PLCB1: variants seen among roughly 807,000 people sequenced by gnomAD.
PLCB1 encodes phospholipase C beta 1.
PLCB1 carries 46 observed loss-of-function variants against 161.8 expected under a neutral mutation model. The ratio of observed to expected loss-of-function variants is 0.28; its 90% confidence interval spans 0.22 to 0.36. The LOEUF (loss-of-function observed/expected upper bound fraction) is 0.36. Among genes scored for constraint, PLCB1 ranks in the 10% least tolerant of loss-of-function variants. PLCB1 has a pLI of 1.00. For synonymous variants in PLCB1, 517 were observed against 503.7 expected, an observed-to-expected ratio of 1.03 and a Z score of -0.35; for missense variants, 1,016 against 1,472.5, an observed-to-expected ratio of 0.69 and a Z score of 5.07.
intron 2 of PLCB1, among the ~76,000 whole-genome samples, chr20:8,367,700 G>A (rs1366183146): frequency 6.6e-6 from 1 of 152,132 alleles, no homozygotes; most frequent in Non-Finnish European, 1.5e-5. Context: ...CTTAAACTGA[G>A]GAAGGGCAGA....
At chr20:8,553,837 C>G (rs8118318) in intron 3 of PLCB1, among the ~76,000 whole-genome samples, 13,031 of 151,792 alleles carry the variant, frequency 0.086, 996 homozygotes, top group African/African-American at 0.2. Context: ...CCTGTCTCTA[C>G]TAAAAATCAA....
At chr20:8,182,605 G>C (rs986195432) in intron 2 of PLCB1, among the ~76,000 whole-genome samples, 4 of 142,148 alleles carry the variant, frequency 2.8e-5, no homozygotes, top group African/African-American at 7.8e-5. Context: ...TTTTGAGACT[G>C]AGTCTTACTC....
chr20:8,145,591 T>A (rs979075639), intron 1 of PLCB1, among the ~76,000 whole-genome samples: 10 of 152,240 alleles, frequency 6.6e-5, no homozygotes, highest in African/African-American at 2.4e-4. Flanking sequence ...AAATGGTAGC[T>A]GCATATGTGG....
chr20:8,541,913 A>G (rs748908704), intron 3 of PLCB1, among the ~76,000 whole-genome samples: 45 of 152,316 alleles, frequency 3.0e-4, no homozygotes, highest in South Asian at 1.0e-3. Flanking sequence ...ATAAAGAGGA[A>G]CAAGGTGGTT....
chr20:8,788,237 A>G (rs1406718568), intron 27 of PLCB1, among the ~76,000 whole-genome samples: 4 of 152,352 alleles, frequency 2.6e-5, no homozygotes, highest in Admixed American at 6.5e-5. Context: ...AAAAGAGATA[A>G]TAAGAAGAAT....
intron 2 of PLCB1, among the ~76,000 whole-genome samples, chr20:8,357,399 A>G (rs1986394774): frequency 6.6e-6 from 1 of 152,216 alleles, no homozygotes; most frequent in Admixed American, 6.5e-5. Flanking sequence ...CTCACAGACC[A>G]GGGAGGTAAT....
intron 2 of PLCB1, among the ~76,000 whole-genome samples, chr20:8,198,897 G>C (rs1407222047): frequency 6.6e-6 from 1 of 151,914 alleles, no homozygotes; most frequent in Admixed American, 6.6e-5. Context: ...GATGGAAAGT[G>C]TGAAGGAGAG....
intron 3 of PLCB1, among the ~76,000 whole-genome samples, chr20:8,486,996 C>T (rs1982758857): frequency 6.6e-6 from 1 of 152,166 alleles, no homozygotes; most frequent in African/African-American, 2.4e-5. Flanking sequence ...TAGAAATGAA[C>T]GTGATTGGAA....
chr20:8,669,976 A>G (rs1989904942), intron 9 of PLCB1, among the ~76,000 whole-genome samples: 1 of 152,178 alleles, frequency 6.6e-6, no homozygotes, highest in Non-Finnish European at 1.5e-5. Flanking sequence ...CCTCCCTTGC[A>G]TTACGGTCAG....
At chr20:8,719,345 A>G (rs182708334) in intron 14 of PLCB1, among the ~76,000 whole-genome samples, 1 of 152,336 alleles carries the variant, frequency 6.6e-6, no homozygotes, top group East Asian at 1.9e-4. Flanking sequence ...AGGTTTACCA[A>G]GAGACACGTA....
chr20:8,695,737 A>G (rs1375639712), intron 10 of PLCB1, among the ~76,000 whole-genome samples: 2 of 152,220 alleles, frequency 1.3e-5, no homozygotes, highest in African/African-American at 4.8e-5. Flanking sequence ...TGGGGCTTAT[A>G]GAATATAAAT....
intron 27 of PLCB1, 122 bp downstream of exon 27, chr20:8,774,841 T>A (rs1982868033): frequency 3.0e-6 from 2 of 660,542 alleles, no homozygotes; most frequent in South Asian, 4.9e-5. Flanking sequence ...CTTGAGAGAT[T>A]GTTTAGGTGA....
chr20:8,144,166 A>C (rs994518248), intron 1 of PLCB1, among the ~76,000 whole-genome samples: 1 of 152,174 alleles, frequency 6.6e-6, no homozygotes, highest in South Asian at 2.1e-4. Context: ...AAAGATGTTT[A>C]ACATCATTAG....
At chr20:8,780,767 C>G (rs1040493) in intron 27 of PLCB1, among the ~76,000 whole-genome samples, 49,411 of 151,976 alleles carry the variant, frequency 0.33, 8,569 homozygotes, top group East Asian at 0.49. Flanking sequence ...GGTCATATGT[C>G]CTCATTTCAG....
intron 2 of PLCB1, among the ~76,000 whole-genome samples, chr20:8,358,819 A>G (rs1224760538): frequency 6.6e-6 from 1 of 152,146 alleles, no homozygotes; most frequent in Non-Finnish European, 1.5e-5. Flanking sequence ...GTCTCTTCTT[A>G]TCTACTCATT....
chr20:8,378,214 G>A (rs1987152908), intron 3 of PLCB1, among the ~76,000 whole-genome samples: 1 of 152,094 alleles, frequency 6.6e-6, no homozygotes, highest in African/African-American at 2.4e-5. Context: ...ACAACCTGAG[G>A]GAACCTTGAA....
chr20:8,338,844 ATTATC>A (rs988201334), intron 2 of PLCB1, among the ~76,000 whole-genome samples: 1 of 152,130 alleles, frequency 6.6e-6, no homozygotes, highest in African/African-American at 2.4e-5. Context: ...AGTGATGACT[ATTATC>A]TTATCATCCA....
At chr20:8,601,189 T>C (rs1987575723) in intron 3 of PLCB1, among the ~76,000 whole-genome samples, 1 of 152,164 alleles carries the variant, frequency 6.6e-6, no homozygotes, top group African/African-American at 2.4e-5. Context: ...AACCTAAACA[T>C]GCCAAAGAAG....
At chr20:8,829,121 T>C (rs1246213039) in intron 31 of PLCB1, among the ~76,000 whole-genome samples, 1 of 152,180 alleles carries the variant, frequency 6.6e-6, no homozygotes, top group Non-Finnish European at 1.5e-5. Flanking sequence ...TTTCAACTCT[T>C]CTATATGTGA....
Sources: gnomAD v4.1 joint callset for allele counts (sites outside exome capture counted in the v4.1 genomes callset) on GRCh38, gnomAD v4.1.1 for gene constraint, MANE v1.5 for transcripts, NCBI Gene and HGNC (gene_info 2026-07-23, HGNC 2026-07-21) for gene names.